CSMD1: variants seen among roughly 807,000 people sequenced by gnomAD.
CSMD1 encodes the protein CUB and sushi domain-containing protein 1.
CSMD1 carries 213 observed loss-of-function variants against 417.5 expected under a neutral mutation model. The ratio of observed to expected loss-of-function variants is 0.51; its 90% CI spans 0.46 to 0.57. CSMD1 has a LOEUF of 0.57. Ranked by LOEUF, CSMD1 falls within the 20% of genes least tolerant of loss-of-function variation. CSMD1 has a pLI of 0.00. For missense variants in CSMD1, 6,923 were observed against 4,529.7 expected, an observed-to-expected ratio of 1.53 and a Z score of -15.17; for synonymous variants, 2,862 against 1,736.8, an observed-to-expected ratio of 1.65 and a Z score of -16.11.
intron 52 of CSMD1, among the ~76,000 whole-genome samples, chr8:3,001,161 A>T (rs757736872): frequency 6.6e-6 from 1 of 151,874 alleles, no homozygotes; most frequent in African/African-American, 2.4e-5. Flanking sequence ...TAATTTTTTT[A>T]TTATTATTAT....
chr8:3,619,808 G>A (rs1802331564), intron 7 of CSMD1, among the ~76,000 whole-genome samples: 1 of 152,164 alleles, frequency 6.6e-6, no homozygotes, highest in Non-Finnish European at 1.5e-5. Context: ...GGGCACGGTG[G>A]CTCACACAAC....
At chr8:3,595,799 T>C (rs1030700775) in intron 8 of CSMD1, among the ~76,000 whole-genome samples, 2 of 152,226 alleles carry the variant, frequency 1.3e-5, no homozygotes, top group African/African-American at 2.4e-5. Flanking sequence ...GTAGAAAAAT[T>C]AAATCCTCAC....
rs369134364 is a variant in CSMD1 at position 3,708,519 on chromosome 8, C to T, written c.932-28G>A. ...GGAAGAAACAAAACCAAGCCATTAGCAGGTAAGACTTGGAGATCATAAAAC... is the reference window on the plus strand; with the variant it reads ...GGAAGAAACAAAACCAAGCCATTAGTAGGTAAGACTTGGAGATCATAAAAC... On this transcript the variant is annotated intron_variant, in intron 6 of 69. Coordinates refer to ENST00000635120, the MANE Select transcript of CSMD1 (RefSeq NM_033225.6). 42 of 1,597,330 alleles carry T rather than the reference C, an allele frequency of 2.6e-5. No individual in the cohort carries two copies. In the African/African-American group the frequency reaches 5.4e-4, roughly 20 times the overall value.
intron 2 of CSMD1, among the ~76,000 whole-genome samples, chr8:4,634,915 T>A (rs1049124987): frequency 6.6e-6 from 1 of 152,180 alleles, no homozygotes; most frequent in Non-Finnish European, 1.5e-5. Flanking sequence ...TTTTTCCGAT[T>A]TGTATTACAG....
chr8:3,969,380 C>G (rs562285484), intron 5 of CSMD1, among the ~76,000 whole-genome samples: 2 of 152,312 alleles, frequency 1.3e-5, no homozygotes, highest in African/African-American at 4.8e-5. Context: ...AGCTGAAAAA[C>G]ATTGCTCCAA....
intron 6 of CSMD1, among the ~76,000 whole-genome samples, chr8:3,743,192 T>C (rs1796899922): frequency 6.6e-6 from 1 of 152,230 alleles, no homozygotes; most frequent in Non-Finnish European, 1.5e-5. Flanking sequence ...ACGACTCTTT[T>C]CATGAATGCA....
chr8:4,966,512 C>A (rs1309656086), intron 1 of CSMD1, among the ~76,000 whole-genome samples: 1 of 152,188 alleles, frequency 6.6e-6, no homozygotes, highest in Non-Finnish European at 1.5e-5. Flanking sequence ...TAAGGGGCTG[C>A]AGACATCTGA....
intron 25 of CSMD1, among the ~76,000 whole-genome samples, chr8:3,298,355 A>G (rs1439988485): frequency 1.3e-5 from 2 of 152,234 alleles, no homozygotes; most frequent in East Asian, 1.9e-4. Context: ...ATCAGCACCC[A>G]GAATGGATAA....
In CSMD1 at chr8:4,201,292, A is replaced by G. The variant is rs7822182; in HGVS notation, c.416-169193T>C. 4.3e-3 allele frequency among the ~76,000 whole-genome samples: 654 copies of G among 152,268 alleles called. 1 individual carries two copies. The highest frequency in any genetic ancestry group is 0.014 in the African/African-American group (577 of 41,546). The stretch of plus-strand genomic sequence containing the variant: ...AGTGGCTCACGCCTGTAATCCCAGC[A>G]CTTTGGGAGGCCGAGGCGGGCGGAT... On this transcript the variant is annotated intron_variant, in intron 3 of 69. Transcript: ENST00000635120.
At chr8:3,106,500 T>C (rs1389712582) in intron 46 of CSMD1, 28 bp downstream of exon 46, 13 of 1,367,240 alleles carry the variant, frequency 9.5e-6, no homozygotes, top group Non-Finnish European at 1.2e-5. Context: ...AATAAGTTTA[T>C]GTAGTTTTAG....
At chr8:4,350,612 C>T (rs1801036299) in intron 3 of CSMD1, among the ~76,000 whole-genome samples, 2 of 152,152 alleles carry the variant, frequency 1.3e-5, no homozygotes, top group Admixed American at 1.3e-4. Context: ...CAGAACAAAA[C>T]TGACCTGGGC....
At chr8:4,957,422 C>T (rs1809192645) in intron 1 of CSMD1, among the ~76,000 whole-genome samples, 1 of 152,182 alleles carries the variant, frequency 6.6e-6, no homozygotes, top group Non-Finnish European at 1.5e-5. Flanking sequence ...GTCGGAAACC[C>T]TATGTAACAG....
intron 1 of CSMD1, among the ~76,000 whole-genome samples, chr8:4,887,235 T>C (rs1307530996): frequency 6.6e-6 from 1 of 152,102 alleles, no homozygotes; most frequent in Non-Finnish European, 1.5e-5. Flanking sequence ...TGCCTCATGA[T>C]TTATTTAGTT....
intron 18 of CSMD1, among the ~76,000 whole-genome samples, chr8:3,372,155 C>T (rs1356135482): frequency 2.0e-5 from 3 of 151,964 alleles, no homozygotes; most frequent in East Asian, 1.9e-4. Context: ...GGGTGGCCAG[C>T]GGTGCCGTAC....
intron 1 of CSMD1, among the ~76,000 whole-genome samples, chr8:4,758,757 T>G (rs1676958): frequency 0.2 from 29,866 of 152,040 alleles, 3,440 homozygotes; most frequent in African/African-American, 0.32. Context: ...AACCACCAGA[T>G]CTGGTGAGAA....
intron 12 of CSMD1, among the ~76,000 whole-genome samples, chr8:3,457,831 G>A (rs533938197): frequency 1.3e-5 from 2 of 152,290 alleles, no homozygotes; most frequent in African/African-American, 4.8e-5. Flanking sequence ...ATCCGATGCA[G>A]GGATCCCAGT....
In CSMD1 at chr8:3,982,190, TATTAATAAA is replaced by T. The variant is rs1320998970; in HGVS notation, c.818+15704_818+15712del. Among the ~76,000 whole-genome samples the T allele has an allele frequency of 1.0e-3, 127 of 122,878 alleles. No homozygotes were observed. The Middle Eastern group carries it at 0.022, about 21-fold the overall frequency. The allele number at this position is 122,878 out of a possible 152,430, so 80.6% of individuals were successfully genotyped here. A position where few individuals can be genotyped will look rare whatever the true frequency, so the allele number is the denominator to read the frequency against. On this transcript the variant is annotated intron_variant, in intron 5 of 69. Coordinates refer to ENST00000635120, the MANE Select transcript of CSMD1 (RefSeq NM_033225.6). ...ATAATAATAATAATAATAATAATAA[TATTAATAAA>T]AAAAATAATAATAATAAACTAGTTA...
At chr8:3,107,887 T>A in intron 44 of CSMD1, 89 bp from the exon 45 acceptor site, 2 of 822,524 alleles carry the variant, frequency 2.4e-6, no homozygotes, top group Admixed American at 5.1e-5. Flanking sequence ...TTGCAGTTGT[T>A]ATAATGCTTA....
At position 4,743,268 on chromosome 8, in the gene CSMD1, G is replaced by A. The variant is rs371695245; in HGVS notation, c.86-105710C>T. Among the ~76,000 whole-genome samples, 45 of 152,124 alleles carry A rather than the reference G, an allele frequency of 3.0e-4. No homozygotes were observed. In the South Asian group the frequency reaches 9.3e-3, roughly 32 times the overall value. ...TAAAATGTGTGAAAAATTTGATGAAGGACCAAATTCTAAACAAGAAATATC... is the reference window on the plus strand; with the variant it reads ...TAAAATGTGTGAAAAATTTGATGAAAGACCAAATTCTAAACAAGAAATATC... On this transcript the variant is annotated intron_variant, in intron 1 of 69. Coordinates refer to ENST00000635120, the MANE Select transcript of CSMD1 (RefSeq NM_033225.6).
Sources: allele counts gnomAD v4.1 joint callset (sites outside exome capture counted in the v4.1 genomes callset), GRCh38; gene constraint gnomAD v4.1.1; transcripts MANE v1.5; gene names NCBI Gene and HGNC (gene_info 2026-07-23, HGNC 2026-07-21).